Variants in NRG2 observed in about 807,000 individuals in gnomAD.
NRG2 encodes neuregulin 2.
A neutral mutation model predicts 73.9 loss-of-function variants in NRG2; 27 were observed. That is an observed-to-expected ratio of 0.37 (90% confidence interval 0.27 to 0.50). The LOEUF (loss-of-function observed/expected upper bound fraction) is 0.50. Among genes scored for constraint, NRG2 ranks in the 20% least tolerant of loss-of-function variants. NRG2 has a pLI of 0.96. For synonymous variants in NRG2, 532 were observed against 541.0 expected, an observed-to-expected ratio of 0.98 and a Z score of 0.23; for missense variants, 1,126 against 1,210.1, an observed-to-expected ratio of 0.93 and a Z score of 1.03.
chr5:139,988,054 G>A (rs1040709966), intron 1 of NRG2, among the ~76,000 whole-genome samples: 1 of 152,112 alleles, frequency 6.6e-6, no homozygotes, highest in Non-Finnish European at 1.5e-5. Context: ...GATTACAGGC[G>A]TGAGCCACCA....
At chr5:139,957,905 A>T (rs1194414884) in intron 1 of NRG2, among the ~76,000 whole-genome samples, 2 of 152,148 alleles carry the variant, frequency 1.3e-5, no homozygotes, top group African/African-American at 4.8e-5. Context: ...CACCCAGAGG[A>T]GAGCCTTTCC....
Position 139,977,876 on chromosome 5 carries a change from A to G in NRG2, c.700+64494T>C, listed in dbSNP as rs553086569. ...CCCTATTTAATAAATGGTGCTGGGA[A>G]AACTGGCTAGCCAAATGTAGAAAGC... On this transcript the variant is annotated intron_variant, in intron 1 of 9. Transcript: ENST00000361474. Among the ~76,000 whole-genome samples, 18 of 152,350 alleles carry G rather than the reference A, an allele frequency of 1.2e-4. No homozygotes were observed. The South Asian group carries it at 3.7e-3, about 32-fold the overall frequency.
intron 1 of NRG2, among the ~76,000 whole-genome samples, chr5:140,033,155 T>A (rs1235365569): frequency 6.6e-6 from 1 of 152,102 alleles, no homozygotes; most frequent in African/African-American, 2.4e-5. Flanking sequence ...ATATTACAAC[T>A]CACTACAGAA....
chr5:139,890,025 A>T (rs1321807792), intron 1 of NRG2, among the ~76,000 whole-genome samples: 1 of 152,200 alleles, frequency 6.6e-6, no homozygotes, highest in Non-Finnish European at 1.5e-5. Flanking sequence ...GTCAGAAGGT[A>T]TGCAATCTTT....
intron 1 of NRG2, among the ~76,000 whole-genome samples, chr5:140,011,365 T>C (rs1299906511): frequency 7.9e-5 from 12 of 152,204 alleles, no homozygotes; most frequent in Non-Finnish European, 1.0e-4. Flanking sequence ...ACTCCAGTGA[T>C]CTTATCGCCT....
intron 1 of NRG2, among the ~76,000 whole-genome samples, chr5:140,005,445 C>T (rs866611361): frequency 6.6e-6 from 1 of 152,214 alleles, no homozygotes; most frequent in African/African-American, 2.4e-5. Flanking sequence ...TGCTTCTACT[C>T]ACAGCACTAT....
chr5:139,955,159 C>T (rs1754521947), intron 1 of NRG2, among the ~76,000 whole-genome samples: 1 of 152,156 alleles, frequency 6.6e-6, no homozygotes, highest in Non-Finnish European at 1.5e-5. Flanking sequence ...CAGTAAAAGG[C>T]AGTTACAGGG....
intron 1 of NRG2, among the ~76,000 whole-genome samples, chr5:140,019,771 G>C (rs1242049686): frequency 3.3e-5 from 5 of 152,140 alleles, no homozygotes; most frequent in Non-Finnish European, 7.3e-5. Context: ...AGAAGTACAT[G>C]CTCAATAAAT....
At position 139,852,649 on chromosome 5, in the gene NRG2, G is replaced by A; in HGVS notation, c.1417-90C>T. 6.5e-7 allele frequency: 1 copy of A among 1,550,262 alleles called. No homozygotes were observed. The highest frequency in any genetic ancestry group is 8.7e-7 in the Non-Finnish European group (1 of 1,143,908). ...GACAGGGAAGTGATGAGCACTGACT[G>A]AGCTCCTGGTTGGGGAGACCCACTG... On this transcript the variant is annotated intron_variant, in intron 7 of 9. Transcript: ENST00000361474. The surrounding 1 kb of genome is among the most constrained non-coding windows in gnomAD (Gnocchi z 4.4).
chr5:139,991,078 A>T (rs953759953), intron 1 of NRG2, among the ~76,000 whole-genome samples: 4 of 152,128 alleles, frequency 2.6e-5, no homozygotes, highest in Non-Finnish European at 4.4e-5. Context: ...GTTCAAGACC[A>T]ACCTGGCCAA....
intron 1 of NRG2, among the ~76,000 whole-genome samples, chr5:139,898,631 T>C (rs891305430): frequency 1.3e-5 from 2 of 152,212 alleles, no homozygotes; most frequent in Non-Finnish European, 2.9e-5. Context: ...ATTCTGATGG[T>C]TCAGCTGGGG....
chr5:139,941,170 A>G (rs1251918037), intron 1 of NRG2, among the ~76,000 whole-genome samples: 1 of 152,214 alleles, frequency 6.6e-6, no homozygotes, highest in Non-Finnish European at 1.5e-5. Context: ...TTGTGAGCTA[A>G]AGCTCAGCAG....
chr5:139,848,551 C>G lies in NRG2; in HGVS notation c.1919G>C (p.Arg640Pro), dbSNP rs780113081. ...CAGTAACGGCTGCTGCTCGGCCAGG[C>G]GGTAACTGATGGGCGCCGCCGGCGG... Reference protein sequence around the residue: ...SLPPAAPISYRLAEQQPLLRH... With the variant: ...SLPPAAPISYPLAEQQPLLRH... Residue 640 changes from arginine (R) to proline (P), a missense_variant, in exon 10 of 10, where the codon CGC becomes CCC. By Grantham distance (103) the Arg-to-Pro change is moderately radical. This residue lies in a region of NRG2 where 402 missense variants were observed against 357.8 expected (regional missense o/e 1.12). Coordinates refer to ENST00000361474, the MANE Select transcript of NRG2 (RefSeq NM_004883.3). 2 of 1,531,862 alleles carry G rather than the reference C, an allele frequency of 1.3e-6. No homozygotes were observed. The highest frequency in any genetic ancestry group is 1.7e-6 in the Non-Finnish European group (2 of 1,150,940). 94.9% of individuals were successfully genotyped at this position (1,531,862 alleles called of 1,614,324 possible). A position where few individuals can be genotyped will look rare whatever the true frequency, so the allele number is the denominator to read the frequency against.
rs549269780 is a variant in NRG2, at chr5:139,904,681, C to T, written c.701-17170G>A. ...CAAGACCGGCGCCTAAACAGGGCGC[C>T]ACAGACCTCCTCGCCGAAGAGGGGG... On this transcript the variant is annotated intron_variant, in intron 1 of 9. Transcript: ENST00000361474. The surrounding 1 kb of genome is among the most constrained non-coding windows in gnomAD (Gnocchi z 6.0). 5.9e-5 allele frequency among the ~76,000 whole-genome samples: 9 copies of T among 152,112 alleles called. No individual in the cohort carries two copies. The highest frequency in any genetic ancestry group is 8.8e-5 in the Non-Finnish European group (6 of 68,004).
chr5:139,968,707 T>A (rs1330872620), intron 1 of NRG2, among the ~76,000 whole-genome samples: 1 of 152,112 alleles, frequency 6.6e-6, no homozygotes, highest in African/African-American at 2.4e-5. Flanking sequence ...TGGACACTAC[T>A]CCAACAAGCA....
chr5:139,999,867 G>T (rs1197333601), intron 1 of NRG2, among the ~76,000 whole-genome samples: 1 of 152,196 alleles, frequency 6.6e-6, no homozygotes, highest in Non-Finnish European at 1.5e-5. Context: ...AGGGAACCTG[G>T]GGATATCTGA....
intron 1 of NRG2, among the ~76,000 whole-genome samples, chr5:139,924,217 C>T (rs540881517): frequency 6.6e-6 from 1 of 152,334 alleles, no homozygotes; most frequent in African/African-American, 2.4e-5. Flanking sequence ...GCTGTCTGGG[C>T]TCAAGAATCT....
chr5:139,884,794 G>T (rs1157146443), intron 2 of NRG2, among the ~76,000 whole-genome samples: 2 of 152,188 alleles, frequency 1.3e-5, no homozygotes, highest in Admixed American at 1.3e-4. Context: ...AGATATTTTA[G>T]ATTCAGAAAT....
chr5:139,968,350 G>A (rs1488954207), intron 1 of NRG2, among the ~76,000 whole-genome samples: 1 of 152,234 alleles, frequency 6.6e-6, no homozygotes, highest in African/African-American at 2.4e-5. Flanking sequence ...AGGGTAGGGC[G>A]CAGAAGGCCA....
Sources: gnomAD v4.1 joint callset for allele counts (sites outside exome capture counted in the v4.1 genomes callset) on GRCh38, gnomAD v4.1.1 for gene constraint, gnomAD v4.1.1 regional missense constraint, Gnocchi (gnomAD v3.1) non-coding constraint, MANE v1.5 for transcripts, NCBI Gene and HGNC (gene_info 2026-07-23, HGNC 2026-07-21) for gene names.